LARGE1: variants seen among roughly 807,000 people sequenced by gnomAD.
LARGE1 encodes LARGE xylosyl- and glucuronyltransferase 1.
LARGE1 carries 43 observed loss-of-function variants against 87.6 expected under a neutral mutation model. That is an observed-to-expected ratio of 0.49 (90% CI 0.38 to 0.63). The LOEUF is 0.63. Among genes scored for constraint, LARGE1 ranks in the 30% least tolerant of loss-of-function variants. The probability of loss-of-function intolerance (pLI) is 0.00; values close to 1 mark genes in which losing one functional copy is unlikely to be tolerated. For synonymous variants in LARGE1, 434 were observed against 394.6 expected (o/e 1.10, Z -1.18); for missense variants, 802 against 1,000.2 (o/e 0.80, Z 2.67).
chr22:33,445,299 G>C (rs944577561), intron 6 of LARGE1, among the ~76,000 whole-genome samples: 1 of 152,156 alleles, frequency 6.6e-6, no homozygotes, highest in Non-Finnish European at 1.5e-5. Flanking sequence ...GAATTCAGCT[G>C]ATAAAACAGG....
intron 6 of LARGE1, among the ~76,000 whole-genome samples, chr22:33,467,205 A>G (rs1016350965): frequency 1.3e-5 from 2 of 152,088 alleles, no homozygotes; most frequent in African/African-American, 2.4e-5. Flanking sequence ...CCCACCTCAT[A>G]GCTGTATCTG....
chr22:33,783,720 T>C (rs2085507210), intron 1 of LARGE1, among the ~76,000 whole-genome samples: 1 of 152,162 alleles, frequency 6.6e-6, no homozygotes. Flanking sequence ...ATATGAGAAA[T>C]TGCTTGCAAC....
intron 6 of LARGE1, among the ~76,000 whole-genome samples, chr22:33,457,073 G>A (rs1485885262): frequency 6.6e-6 from 1 of 152,046 alleles, no homozygotes; most frequent in African/African-American, 2.4e-5. Flanking sequence ...AAGATGTAAG[G>A]ACAAACATAC....
At chr22:33,637,443 C>T (rs2080299832) in intron 3 of LARGE1, among the ~76,000 whole-genome samples, 1 of 152,168 alleles carries the variant, frequency 6.6e-6, no homozygotes, top group Admixed American at 6.5e-5. Context: ...GGTAGCCAGC[C>T]TCCAAGACTG....
chr22:33,532,938 G>A (rs767230485), intron 6 of LARGE1, among the ~76,000 whole-genome samples: 6 of 152,348 alleles, frequency 3.9e-5, no homozygotes, highest in East Asian at 1.9e-4. Context: ...AGCAAGACAC[G>A]TGGTAGGTTA....
intron 11 of LARGE1, among the ~76,000 whole-genome samples, chr22:33,208,992 T>C (rs1924824934): frequency 6.6e-6 from 1 of 152,260 alleles, no homozygotes; most frequent in African/African-American, 2.4e-5. Context: ...TTGGGTTGGT[T>C]CAAAGTCTTT....
intron 6 of LARGE1, among the ~76,000 whole-genome samples, chr22:33,482,287 C>A (rs780558411): frequency 5.3e-5 from 8 of 152,172 alleles, no homozygotes; most frequent in Non-Finnish European, 1.0e-4. Flanking sequence ...TTAGCAAAGA[C>A]AAGGTGTTGT....
chr22:33,498,323 G>C (rs190556608), intron 6 of LARGE1, among the ~76,000 whole-genome samples: 6 of 152,260 alleles, frequency 3.9e-5, no homozygotes, highest in Admixed American at 2.0e-4. Context: ...TCAAATAACA[G>C]TAACAGTCCT....
chr22:33,541,051 T>A (rs994620712), intron 6 of LARGE1, among the ~76,000 whole-genome samples: 2 of 13,490 alleles, frequency 1.5e-4, no homozygotes, highest in Non-Finnish European at 2.6e-4. Flanking sequence ...GGGTGGTGGG[T>A]TGCGGGGGGG....
At chr22:33,628,638 T>A (rs1016333037) in intron 3 of LARGE1, among the ~76,000 whole-genome samples, 1 of 152,142 alleles carries the variant, frequency 6.6e-6, no homozygotes, top group Non-Finnish European at 1.5e-5. Flanking sequence ...TTAACCCTGG[T>A]GGTACATCAG....
chr22:33,133,917 C>T, the LARGE1 span, among the ~76,000 whole-genome samples: 3 of 152,020 alleles, frequency 2.0e-5, no homozygotes, highest in Admixed American at 6.5e-5. Context: ...TTTAAGCCTT[C>T]AATATATTAT....
At chr22:33,406,370 A>G (rs1569136018) in intron 7 of LARGE1, among the ~76,000 whole-genome samples, 1 of 151,946 alleles carries the variant, frequency 6.6e-6, no homozygotes, top group South Asian at 2.1e-4. Flanking sequence ...TCCTTAAACA[A>G]TGACCTCTGC....
intron 1 of LARGE1, among the ~76,000 whole-genome samples, chr22:33,908,892 T>C (rs1189588918): frequency 6.6e-6 from 1 of 152,088 alleles, no homozygotes; most frequent in African/African-American, 2.4e-5. Flanking sequence ...TTAAGGTGAA[T>C]CCAGAACCCA....
At chr22:33,700,510 G>A (rs1468775383) in intron 2 of LARGE1, among the ~76,000 whole-genome samples, 1 of 152,188 alleles carries the variant, frequency 6.6e-6, no homozygotes, top group Non-Finnish European at 1.5e-5. Context: ...TGGCGGGGGT[G>A]CCAGAACTAT....
chr22:33,383,525 A>G (rs1038910209), intron 8 of LARGE1, among the ~76,000 whole-genome samples: 6 of 152,182 alleles, frequency 3.9e-5, no homozygotes, highest in African/African-American at 1.4e-4. Flanking sequence ...GTACCACTGC[A>G]TTCCAGCCTG....
intron 11 of LARGE1, among the ~76,000 whole-genome samples, chr22:33,250,622 G>T (rs1021413006): frequency 6.6e-6 from 1 of 152,144 alleles, no homozygotes; most frequent in Admixed American, 6.5e-5. Flanking sequence ...TCACCACTAC[G>T]TGTGATATTA....
At chr22:33,527,166 G>C (rs1396520919) in intron 6 of LARGE1, among the ~76,000 whole-genome samples, 1 of 152,188 alleles carries the variant, frequency 6.6e-6, no homozygotes, top group Non-Finnish European at 1.5e-5. Context: ...TGAGGCAGGA[G>C]AATCACTTCA....
intron 6 of LARGE1, among the ~76,000 whole-genome samples, chr22:33,512,579 G>A (rs2071105307): frequency 6.6e-6 from 1 of 152,102 alleles, no homozygotes; most frequent in Admixed American, 6.6e-5. Context: ...GAGGCAGGAA[G>A]ATCACCTGAG....
intron 1 of LARGE1, among the ~76,000 whole-genome samples, chr22:33,817,157 A>C (rs1177845960): frequency 6.6e-6 from 1 of 152,112 alleles, no homozygotes; most frequent in African/African-American, 2.4e-5. Context: ...CAGTTTCCCT[A>C]TGGTTCGCCT....
Sources: allele counts gnomAD v4.1 joint callset (sites outside exome capture counted in the v4.1 genomes callset), GRCh38; gene constraint gnomAD v4.1.1; transcripts MANE v1.5; gene names NCBI Gene and HGNC (gene_info 2026-07-23, HGNC 2026-07-21).